Variants in PARD6G observed in about 807,000 individuals in gnomAD.
The protein encoded by PARD6G is par-6 family cell polarity regulator gamma, also known as partitioning defective 6 homolog gamma.
Under a neutral mutation model 10.7 loss-of-function variants are expected in PARD6G, and 7 were observed. The observed-to-expected ratio is 0.66, with a 90% CI of 0.37 to 1.23. The LOEUF (loss-of-function observed/expected upper bound fraction) is 1.23, where lower values mean the gene tolerates loss of function less well. Among genes scored for constraint, PARD6G ranks in the 50% most tolerant of loss-of-function variants. PARD6G has a pLI of 0.02. For synonymous variants in PARD6G, 287 were observed against 269.4 expected, an observed-to-expected ratio of 1.07 and a Z score of -0.64; for missense variants, 548 against 571.8, an observed-to-expected ratio of 0.96 and a Z score of 0.42.
chr18:80,159,723 T>C lies in PARD6G; in HGVS notation c.*48A>G. 2 of 1,357,042 alleles carry C rather than the reference T, an allele frequency of 1.5e-6. No individual in the cohort carries two copies. Among genetic ancestry groups the C allele is most frequent in the Non-Finnish European group, 1.9e-6 (2 of 1,052,884 alleles). The allele number at this position is 1,357,042 out of a possible 1,614,324, so 84.1% of individuals were successfully genotyped here. A position where few individuals can be genotyped will look rare whatever the true frequency, so the allele number is the denominator to read the frequency against. On this transcript the variant is annotated 3_prime_UTR_variant, in exon 3 of 3. Coordinates refer to ENST00000353265, the MANE Select transcript of PARD6G (RefSeq NM_032510.4). ...GGATGCAGTCTGCAGGTCCTGTCCC[T>C]GTCCTTACCGGGGAACTGGAGCTAG...
At chr18:80,245,675 C>A (rs1400701602) in intron 1 of PARD6G, among the ~76,000 whole-genome samples, 3 of 152,078 alleles carry the variant, frequency 2.0e-5, no homozygotes, top group African/African-American at 7.2e-5. Flanking sequence ...AGATTACATA[C>A]CACACGTGCT....
At position 80,192,881 on chromosome 18, in the gene PARD6G, G is replaced by A. The variant is rs1471715073; in HGVS notation, c.295+9829C>T. Among the ~76,000 whole-genome samples the A allele has an allele frequency of 6.6e-6, 1 of 152,130 alleles. No individual in the cohort carries two copies. Among genetic ancestry groups the A allele is most frequent in the Admixed American group, 6.5e-5 (1 of 15,276 alleles). On this transcript the variant is annotated intron_variant, in intron 2 of 2. Transcript: ENST00000353265. This position sits in a 1 kb window ranked among gnomAD's most constrained non-coding sequence, Gnocchi z 4.9. ...CTCCTGTGTGGAGGGCGGAGGAGAG[G>A]TGTCTGCAGGGGAGCTGCTTGGCAG...
chr18:80,246,548 G>T lies in PARD6G; in HGVS notation c.72+729C>A, dbSNP rs1431143056. Among the ~76,000 whole-genome samples the T allele has an allele frequency of 1.3e-5, 2 of 150,006 alleles. No individual in the cohort carries two copies. The highest frequency in any genetic ancestry group is 3.0e-5 in the Non-Finnish European group (2 of 67,220). ...CTCGGGAGGGGTCTGGGTCTGAGCC[G>T]GGGGCGCGCCCGGGGGAGTGGGCTG... On this transcript the variant is annotated intron_variant, in intron 1 of 2. Transcript: ENST00000353265. The surrounding 1 kb of genome is among the most constrained non-coding windows in gnomAD (Gnocchi z 6.7).
At chr18:80,196,934 C>T (rs1224280374) in intron 2 of PARD6G, among the ~76,000 whole-genome samples, 1 of 134,706 alleles carries the variant, frequency 7.4e-6, no homozygotes, top group Non-Finnish European at 1.6e-5. Context: ...CCTCCAAACA[C>T]ACAAACTTCC....
At position 80,201,783 on chromosome 18, in the gene PARD6G, G is replaced by A. The variant is rs904343563; in HGVS notation, c.295+927C>T. Among the ~76,000 whole-genome samples the A allele has an allele frequency of 2.0e-5, 3 of 152,232 alleles. No homozygotes were observed. The highest frequency in any genetic ancestry group is 4.4e-5 in the Non-Finnish European group (3 of 68,042). ...GGACCCTCGTTTTGCAAAGCAGGAC[G>A]CTGGGGTGAAGGAGGCGGAGGGCCT... On this transcript the variant is annotated intron_variant, in intron 2 of 2. Coordinates refer to ENST00000353265, the MANE Select transcript of PARD6G (RefSeq NM_032510.4). The surrounding 1 kb of genome is among the most constrained non-coding windows in gnomAD (Gnocchi z 5.9).
At chr18:80,171,058 T>G (rs370146110) in intron 2 of PARD6G, 2 of 152,224 alleles carry the variant, frequency 1.3e-5, no homozygotes, top group East Asian at 3.9e-4. Flanking sequence ...TTCTCTCTAT[T>G]AAAAATACCA....
chr18:80,234,334 A>C (rs1967394574), intron 1 of PARD6G, among the ~76,000 whole-genome samples: 2 of 152,166 alleles, frequency 1.3e-5, no homozygotes, highest in South Asian at 4.1e-4. Context: ...AGAACAGCCA[A>C]TCAAACCACA....
intron 2 of PARD6G, among the ~76,000 whole-genome samples, chr18:80,164,937 G>A (rs1262122361): frequency 6.6e-6 from 1 of 152,210 alleles, no homozygotes; most frequent in Admixed American, 6.5e-5. Context: ...TGAGGGAACA[G>A]GACAAAAGGA....
rs527636192 is a variant in PARD6G at position 80,192,470 on chromosome 18, G to A, written c.295+10240C>T. ...GTGCCACGGCGGGAGCCCAGGGGAC[G>A]GGGGAGAGCAGGTGCCACGGCGGGA... On this transcript the variant is annotated intron_variant, in intron 2 of 2. Coordinates refer to ENST00000353265, the MANE Select transcript of PARD6G (RefSeq NM_032510.4). This position sits in a 1 kb window ranked among gnomAD's most constrained non-coding sequence, Gnocchi z 4.9. Among the ~76,000 whole-genome samples the A allele has an allele frequency of 2.0e-5, 3 of 149,518 alleles. No homozygotes were observed. The highest frequency in any genetic ancestry group is 4.5e-5 in the Non-Finnish European group (3 of 67,380).
intron 2 of PARD6G, chr18:80,170,581 AGCCTGCAGGGCGTGTGCCAGAGGCCAGG>A (rs2052769328): frequency 6.6e-6 from 1 of 152,318 alleles, no homozygotes; most frequent in African/African-American, 2.4e-5. Context: ...TGCAACAGGC[AGCCTGCAGGGCGTGTGCCAGAGGCCAGG>A]GCCTGAGCAA....
At chr18:80,187,099 GAA>G (rs1166529542) in intron 2 of PARD6G, among the ~76,000 whole-genome samples, 15 of 125,350 alleles carry the variant, frequency 1.2e-4, no homozygotes, top group African/African-American at 4.4e-4. Context: ...TCTGTCTCAA[GAA>G]AAAAAAAAAA....
At chr18:80,195,441 C>T (rs1966942399) in intron 2 of PARD6G, among the ~76,000 whole-genome samples, 1 of 151,304 alleles carries the variant, frequency 6.6e-6, no homozygotes, top group Non-Finnish European at 1.5e-5. Context: ...AAGCAGCCTC[C>T]CCCTGCACCT....
Position 80,227,088 on chromosome 18 carries a change from T to C in PARD6G, c.72+20189A>G, listed in dbSNP as rs576351575. ...CTCCCACCGCAGCCTCTCCAGTAGC[T>C]AGAACTATAAGCTCACAACCACCAC... is the stretch of plus-strand genomic sequence containing the variant. On this transcript the variant is annotated intron_variant, in intron 1 of 2. Coordinates refer to ENST00000353265, the MANE Select transcript of PARD6G (RefSeq NM_032510.4). Among the ~76,000 whole-genome samples, 13 of 152,264 alleles carry C rather than the reference T, an allele frequency of 8.5e-5. No individual in the cohort carries two copies. In the East Asian group the frequency reaches 1.9e-3, roughly 23 times the overall value.
At position 80,182,845 on chromosome 18, in the gene PARD6G, G is replaced by C; in HGVS notation, c.295+19865C>G. On this transcript the variant is annotated intron_variant, in intron 2 of 2. Coordinates refer to ENST00000353265, the MANE Select transcript of PARD6G (RefSeq NM_032510.4). This position sits in a 1 kb window ranked among gnomAD's most constrained non-coding sequence, Gnocchi z 4.5. ...TTTGGGCAGGACAAATGTTCCCAGA[G>C]AACTTTTAAATCTGATGTTATAGTT... 1 of 422,430 alleles carries C rather than the reference G, an allele frequency of 2.4e-6. No homozygotes were observed. The allele number at this position is 422,430 out of a possible 1,614,324, so 26.2% of individuals were successfully genotyped here.
At position 80,189,023 on chromosome 18, in the gene PARD6G, G is replaced by A. The variant is rs941171259; in HGVS notation, c.295+13687C>T. Among the ~76,000 whole-genome samples, 1 of 152,232 alleles carries A rather than the reference G, an allele frequency of 6.6e-6. No homozygotes were observed. Among genetic ancestry groups the A allele is most frequent in the Non-Finnish European group, 1.5e-5 (1 of 68,036 alleles). On this transcript the variant is annotated intron_variant, in intron 2 of 2. Coordinates refer to ENST00000353265, the MANE Select transcript of PARD6G (RefSeq NM_032510.4). The surrounding 1 kb of genome is among the most constrained non-coding windows in gnomAD (Gnocchi z 5.5). The stretch of plus-strand genomic sequence containing the variant: ...GTTGCCTGACACTCTCTGGGGCAGA[G>A]AACCCAGTTCTAGGGGCTGCCCACG...
Position 80,247,418 on chromosome 18 carries a change from G to C in PARD6G, c.-70C>G, listed in dbSNP as rs1967567836. 7 of 1,295,674 alleles carry C rather than the reference G, an allele frequency of 5.4e-6. No individual in the cohort carries two copies. The highest frequency in any genetic ancestry group is 1.6e-5 in the African/African-American group (1 of 63,916). The allele number at this position is 1,295,674 out of a possible 1,614,324, so 80.3% of individuals were successfully genotyped here. A position where few individuals can be genotyped will look rare whatever the true frequency, so the allele number is the denominator to read the frequency against. ...GGCCGCAGAAAGACTCCCGGGGGCG[G>C]CGCCCCCAGGCCCCGGCCCCGGCCC... On this transcript the variant is annotated 5_prime_UTR_variant, in exon 1 of 3. Transcript: ENST00000353265. The surrounding 1 kb of genome is among the most constrained non-coding windows in gnomAD (Gnocchi z 4.2).
Position 80,184,378 on chromosome 18 carries a change from C to A in PARD6G, c.295+18332G>T, listed in dbSNP as rs1292906316. Reference sequence around the variant, plus strand: ...CACAGTGGCCAGGAGGTGGAAACAACCCCGATGTCCATCAACTGATGAACC... The same window carrying A: ...CACAGTGGCCAGGAGGTGGAAACAAACCCGATGTCCATCAACTGATGAACC... On this transcript the variant is annotated intron_variant, in intron 2 of 2. Transcript: ENST00000353265. The surrounding 1 kb of genome is among the most constrained non-coding windows in gnomAD (Gnocchi z 4.5). 1 of 152,278 alleles carries A rather than the reference C, an allele frequency of 6.6e-6. No homozygotes were observed. Among genetic ancestry groups the A allele is most frequent in the Non-Finnish European group, 1.5e-5 (1 of 68,066 alleles). 9.4% of individuals were successfully genotyped at this position (152,278 alleles called of 1,614,324 possible).
chr18:80,247,463 C>G lies in PARD6G; in HGVS notation c.-115G>C. ...CGGCCCCGGCCCGCGCTCGCTTGGC[C>G]GGCGGGCTGCTCCCGGTGCTGCGGG... On this transcript the variant is annotated 5_prime_UTR_variant, in exon 1 of 3. Transcript: ENST00000353265. This position sits in a 1 kb window ranked among gnomAD's most constrained non-coding sequence, Gnocchi z 4.2. 1 of 610,884 alleles carries G rather than the reference C, an allele frequency of 1.6e-6. No individual in the cohort carries two copies. Among genetic ancestry groups the G allele is most frequent in the Non-Finnish European group, 2.2e-6 (1 of 451,516 alleles). 37.8% of individuals were successfully genotyped at this position (610,884 alleles called of 1,614,324 possible).
At chr18:80,194,801 T>C (rs1405018362) in intron 2 of PARD6G, among the ~76,000 whole-genome samples, 1 of 151,932 alleles carries the variant, frequency 6.6e-6, no homozygotes, top group Non-Finnish European at 1.5e-5. Flanking sequence ...AGGGGGGAAA[T>C]GATACCCATG....
Sources: gnomAD v4.1 joint callset for allele counts (sites outside exome capture counted in the v4.1 genomes callset) on GRCh38, gnomAD v4.1.1 for gene constraint, Gnocchi (gnomAD v3.1) non-coding constraint, MANE v1.5 for transcripts, NCBI Gene and HGNC (gene_info 2026-07-23, HGNC 2026-07-21) for gene names.